The following MAP4 variants were observed in gnomAD, a reference collection of about 807,000 sequenced individuals.
The protein encoded by MAP4 is microtubule-associated protein 4.
A neutral mutation model predicts 170.2 loss-of-function variants in MAP4; 76 were observed. That is an observed-to-expected ratio of 0.45 (90% CI 0.37 to 0.54). The LOEUF (loss-of-function observed/expected upper bound fraction) is 0.54. Ranked by LOEUF, MAP4 falls within the 20% of genes least tolerant of loss-of-function variation. MAP4 has a pLI of 0.00. For missense variants in MAP4, 2,506 were observed against 2,748.0 expected (o/e 0.91, Z 1.97); for synonymous variants, 909 against 994.5 (o/e 0.91, Z 1.62).
At chr3:47,955,612 T>G (rs957013715) in intron 3 of MAP4, among the ~76,000 whole-genome samples, 4 of 152,162 alleles carry the variant, frequency 2.6e-5, no homozygotes, top group African/African-American at 9.7e-5. Flanking sequence ...AGAGACCCAC[T>G]GCAGCAATGA....
At chr3:47,998,369 G>A (rs1322601363) in intron 2 of MAP4, among the ~76,000 whole-genome samples, 1 of 152,188 alleles carries the variant, frequency 6.6e-6, no homozygotes. Context: ...AGGCACAGTA[G>A]ACAGTTTAAT....
rs1219459338 is a variant in MAP4, at chr3:47,969,838, C to T, written c.292+8027G>A. ...TCGCACCACTGCACTCCAGCCTGGG[C>T]GACAGAGCAAGACTCTGTCTCAAAA... is the stretch of plus-strand genomic sequence containing the variant. On this transcript the variant is annotated intron_variant, in intron 3 of 20. Coordinates refer to ENST00000683076, the MANE Select transcript of MAP4 (RefSeq NM_001385682.1). Among the ~76,000 whole-genome samples the T allele has an allele frequency of 4.0e-5, 6 of 148,566 alleles. No individual in the cohort carries two copies. In the South Asian group the frequency reaches 6.4e-4, roughly 16 times the overall value.
intron 3 of MAP4, among the ~76,000 whole-genome samples, chr3:47,969,667 C>T (rs182862503): frequency 1.3e-5 from 2 of 152,272 alleles, no homozygotes; most frequent in Non-Finnish European, 2.9e-5. Flanking sequence ...TTTGACAGCA[C>T]TTTGTATCAA....
At chr3:48,017,437 C>T (rs1011443294), upstream of MAP4, among the ~76,000 whole-genome samples, 1 of 151,986 alleles carries the variant, frequency 6.6e-6, no homozygotes, top group Non-Finnish European at 1.5e-5. Flanking sequence ...AAACATTCCA[C>T]CTGATCTTTA....
In MAP4 at chr3:47,851,783, T is replaced by A. The variant is rs573713339; in HGVS notation, c.*1151A>T. The A allele has an allele frequency of 3.3e-5, 5 of 152,164 alleles. No individual in the cohort carries two copies. Among genetic ancestry groups the A allele is most frequent in the Non-Finnish European group, 7.3e-5 (5 of 68,030 alleles). 9.4% of individuals were successfully genotyped at this position (152,164 alleles called of 1,614,324 possible). A position where few individuals can be genotyped will look rare whatever the true frequency, so the allele number is the denominator to read the frequency against. On this transcript the variant is annotated 3_prime_UTR_variant, in exon 21 of 21. Transcript: ENST00000683076. ...GTCTCATGCCTTTTATTTTTAAATT[T>A]CCAGACCTGATTTCCTACTATCTGC...
chr3:47,886,915 GTC>G, intron 10 of MAP4, among the ~76,000 whole-genome samples: 1 of 152,264 alleles, frequency 6.6e-6, no homozygotes, highest in East Asian at 1.9e-4. Context: ...TCAACTCTTT[GTC>G]TTCCAGTTCA....
intron 9 of MAP4, among the ~76,000 whole-genome samples, chr3:47,903,300 A>G (rs1040094094): frequency 7.2e-5 from 11 of 152,162 alleles, no homozygotes; most frequent in African/African-American, 1.9e-4. Flanking sequence ...TTGGGAGGCC[A>G]AGGCGGGCGG....
chr3:47,928,420 T>C, intron 3 of MAP4, 70 bp from the exon 4 acceptor site: 1 of 1,431,624 alleles, frequency 7.0e-7, no homozygotes, highest in Non-Finnish European at 9.8e-7. Context: ...GTGGAATTTC[T>C]ACAAAGTATT....
intron 10 of MAP4, among the ~76,000 whole-genome samples, chr3:47,887,017 A>C (rs566463832): frequency 6.6e-6 from 1 of 152,314 alleles, no homozygotes; most frequent in South Asian, 2.1e-4. Context: ...GTTTCAGAAC[A>C]TGGTAGTGAG....
At chr3:47,924,764 T>C (rs1021191334) in intron 4 of MAP4, among the ~76,000 whole-genome samples, 1 of 152,126 alleles carries the variant, frequency 6.6e-6, no homozygotes, top group East Asian at 1.9e-4. Flanking sequence ...CTATATCAGC[T>C]GGCTTTCCTC....
chr3:48,075,696 G>A (rs1019582866), intron 1 of MAP4, among the ~76,000 whole-genome samples: 29 of 152,024 alleles, frequency 1.9e-4, no homozygotes, highest in African/African-American at 5.8e-4. Context: ...ATTTTGGGCC[G>A]GGCGCAGTGG....
At chr3:47,947,845 G>C (rs1437106902) in intron 3 of MAP4, among the ~76,000 whole-genome samples, 1 of 149,418 alleles carries the variant, frequency 6.7e-6, no homozygotes, top group Admixed American at 6.7e-5. Flanking sequence ...AAAAAGAAAA[G>C]AAAACAAAAA....
At chr3:47,858,850 T>C (rs1207960504) in intron 17 of MAP4, among the ~76,000 whole-genome samples, 1 of 151,702 alleles carries the variant, frequency 6.6e-6, no homozygotes, top group African/African-American at 2.4e-5. Context: ...GCACCTTGGC[T>C]GGGCACGGTG....
intron 2 of MAP4, among the ~76,000 whole-genome samples, chr3:47,992,502 T>C (rs983115942): frequency 6.6e-6 from 1 of 152,220 alleles, no homozygotes; most frequent in Non-Finnish European, 1.5e-5. Flanking sequence ...TATGGCTCAC[T>C]GCAGCCTCGA....
intron 2 of MAP4, among the ~76,000 whole-genome samples, chr3:47,989,433 G>A (rs960460653): frequency 7.9e-5 from 12 of 152,128 alleles, no homozygotes; most frequent in Non-Finnish European, 1.0e-4. Flanking sequence ...GTGCTAAATA[G>A]TAATTGTTAT....
chr3:47,930,147 CAAAA>C (rs747143242), intron 3 of MAP4, among the ~76,000 whole-genome samples: 30 of 151,794 alleles, frequency 2.0e-4, no homozygotes, highest in Non-Finnish European at 4.0e-4. Flanking sequence ...CAAAACCAAA[CAAAA>C]AAACAAAAGA....
chr3:48,032,373 G>C (rs2100116633), intron 1 of MAP4, among the ~76,000 whole-genome samples: 1 of 151,894 alleles, frequency 6.6e-6, no homozygotes, highest in African/African-American at 2.4e-5. Flanking sequence ...ATGGTGGTGT[G>C]CGCCTGTAAT....
chr3:48,011,513 A>T (rs1227187466), intron 1 of MAP4, among the ~76,000 whole-genome samples: 1 of 151,514 alleles, frequency 6.6e-6, no homozygotes, highest in Admixed American at 6.6e-5. Context: ...AGATCACGCC[A>T]CTGCACTCCA....
intron 1 of MAP4, among the ~76,000 whole-genome samples, chr3:48,086,994 T>C (rs967509977): frequency 2.0e-5 from 3 of 152,210 alleles, no homozygotes; most frequent in Non-Finnish European, 2.9e-5. Context: ...CTTAACTATC[T>C]GTGTGACCTC....
Sources: gnomAD v4.1 joint callset for allele counts (sites outside exome capture counted in the v4.1 genomes callset) on GRCh38, gnomAD v4.1.1 for gene constraint, MANE v1.5 for transcripts, NCBI Gene and HGNC (gene_info 2026-07-23, HGNC 2026-07-21) for gene names.